NAALADL2: variants seen among roughly 807,000 people sequenced by gnomAD.
NAALADL2 encodes the protein inactive N-acetylated-alpha-linked acidic dipeptidase-like protein 2.
Under a neutral mutation model 87.2 loss-of-function variants are expected in NAALADL2, and 76 were observed. The ratio of observed to expected loss-of-function variants is 0.87; its 90% CI spans 0.72 to 1.05. The LOEUF is 1.05. NAALADL2 is among the 50% of genes least tolerant of loss of function. The pLI, the probability that NAALADL2 is intolerant of heterozygous loss-of-function variation, is 0.00. For synonymous variants in NAALADL2, 354 were observed against 331.0 expected (o/e 1.07, Z -0.75); for missense variants, 1,089 against 945.8 (o/e 1.15, Z -1.99).
chr3:175,223,612 T>TGAGATAAA (rs1442740555), intron 2 of NAALADL2, among the ~76,000 whole-genome samples: 2 of 152,140 alleles, frequency 1.3e-5, no homozygotes, highest in Admixed American at 6.6e-5. Flanking sequence ...AATACTTCTT[T>TGAGATAAA]GAGATAAAGA....
chr3:174,619,518 G>A (rs1412498483), intron 2 of NAALADL2, among the ~76,000 whole-genome samples: 1 of 151,940 alleles, frequency 6.6e-6, no homozygotes, highest in South Asian at 2.1e-4. Flanking sequence ...GTGCTAGCCT[G>A]TTTCTGTAAT....
chr3:174,666,539 G>A (rs1011881014), intron 2 of NAALADL2, among the ~76,000 whole-genome samples: 1 of 151,486 alleles, frequency 6.6e-6, no homozygotes, highest in African/African-American at 2.4e-5. Flanking sequence ...ATTTTATTTG[G>A]GCATCGTTTC....
intron 2 of NAALADL2, among the ~76,000 whole-genome samples, chr3:174,590,487 ATAAT>A (rs1048115013): frequency 1.3e-5 from 2 of 152,176 alleles, no homozygotes; most frequent in Admixed American, 1.3e-4. Context: ...TCTTGAAAAG[ATAAT>A]TAAATTTTAT....
intron 2 of NAALADL2, among the ~76,000 whole-genome samples, chr3:174,641,191 G>A (rs1251622636): frequency 6.6e-6 from 1 of 152,144 alleles, no homozygotes; most frequent in African/African-American, 2.4e-5. Context: ...GGTCTCCACA[G>A]CTGCAAGAGA....
chr3:174,827,766 G>A (rs1380625546), intron 3 of NAALADL2, among the ~76,000 whole-genome samples: 1 of 152,178 alleles, frequency 6.6e-6, no homozygotes, highest in Non-Finnish European at 1.5e-5. Flanking sequence ...TGGAGATTAA[G>A]CTTTACTGGA....
chr3:175,603,842 A>C (rs1723290483), intron 10 of NAALADL2, among the ~76,000 whole-genome samples: 1 of 152,100 alleles, frequency 6.6e-6, no homozygotes, highest in African/African-American at 2.4e-5. Context: ...AAAACCACAA[A>C]AATTAGCCAG....
intron 5 of NAALADL2, among the ~76,000 whole-genome samples, chr3:175,371,995 C>T (rs1766563429): frequency 6.6e-6 from 1 of 152,026 alleles, no homozygotes; most frequent in Admixed American, 6.6e-5. Context: ...TTCCTTAGGG[C>T]AAATTCCTAC....
intron 6 of NAALADL2, among the ~76,000 whole-genome samples, chr3:175,458,896 A>G (rs1457105772): frequency 1.8e-4 from 27 of 152,086 alleles, no homozygotes; most frequent in Admixed American, 1.8e-3. Context: ...TTCAGCTCTT[A>G]AATGCAGATG....
intron 5 of NAALADL2, among the ~76,000 whole-genome samples, chr3:175,355,871 T>G (rs768480915): frequency 9.2e-5 from 14 of 152,166 alleles, no homozygotes; most frequent in Non-Finnish European, 1.8e-4. Flanking sequence ...TGTTACCCAA[T>G]GTGGCAAGTG....
intron 1 of NAALADL2, among the ~76,000 whole-genome samples, chr3:174,910,876 C>T (rs115792161): frequency 0.017 from 2,650 of 152,048 alleles, 110 homozygotes; most frequent in African/African-American, 0.061. Flanking sequence ...TTGCCTAGAA[C>T]GGGAGAGGTG....
intron 1 of NAALADL2, among the ~76,000 whole-genome samples, chr3:174,885,287 G>T (rs1046953999): frequency 1.3e-5 from 2 of 152,032 alleles, no homozygotes; most frequent in African/African-American, 4.8e-5. Context: ...TCAGCTCTTT[G>T]TCTGTAGGAG....
At chr3:174,699,551 A>C (rs1515622) in intron 2 of NAALADL2, among the ~76,000 whole-genome samples, 32,683 of 150,750 alleles carry the variant, frequency 0.22, 5,116 homozygotes, top group East Asian at 0.49. Flanking sequence ...AATTTGACCA[A>C]TTATATTTTA....
chr3:174,868,277 T>C (rs1250696379), intron 1 of NAALADL2, among the ~76,000 whole-genome samples: 1 of 152,182 alleles, frequency 6.6e-6, no homozygotes, highest in African/African-American at 2.4e-5. Flanking sequence ...ATGATTGTTT[T>C]AGATATGGAG....
At chr3:175,235,074 T>G (rs1745605100) in intron 3 of NAALADL2, 1 of 151,518 alleles carries the variant, frequency 6.6e-6, no homozygotes, top group South Asian at 2.1e-4. Flanking sequence ...TTTTTTTTTT[T>G]TTCCATCAAA....
At chr3:175,761,200 G>T (rs931132357) in intron 13 of NAALADL2, among the ~76,000 whole-genome samples, 3 of 150,594 alleles carry the variant, frequency 2.0e-5, no homozygotes, top group Non-Finnish European at 4.4e-5. Context: ...AAAATCTCTT[G>T]TGCCCCACCT....
At chr3:174,491,512 GCTTA>G (rs1213432473) in intron 1 of NAALADL2, among the ~76,000 whole-genome samples, 1 of 152,082 alleles carries the variant, frequency 6.6e-6, no homozygotes, top group Non-Finnish European at 1.5e-5. Context: ...TTTGATGTCA[GCTTA>G]CTTGTGCTCC....
At chr3:174,743,606 C>A (rs567643540) in intron 3 of NAALADL2, among the ~76,000 whole-genome samples, 2 of 151,882 alleles carry the variant, frequency 1.3e-5, no homozygotes. Flanking sequence ...GTATTGAACT[C>A]TTTTAGAGAA....
At chr3:175,787,180 G>C (rs1364696044) in intron 13 of NAALADL2, among the ~76,000 whole-genome samples, 2 of 152,154 alleles carry the variant, frequency 1.3e-5, no homozygotes. Context: ...TCTGTGCCCT[G>C]CCCCCAGAGG....
intron 1 of NAALADL2, among the ~76,000 whole-genome samples, chr3:174,466,769 A>G (rs1716557157): frequency 6.6e-6 from 1 of 152,174 alleles, no homozygotes; most frequent in African/African-American, 2.4e-5. Context: ...TATCAACCTT[A>G]ACAAACTTCG....
Sources: gnomAD v4.1 joint callset for allele counts (sites outside exome capture counted in the v4.1 genomes callset) on GRCh38, gnomAD v4.1.1 for gene constraint, MANE v1.5 for transcripts, NCBI Gene and HGNC (gene_info 2026-07-23, HGNC 2026-07-21) for gene names.